Variants in CLPB observed in about 807,000 individuals in gnomAD.
CLPB encodes ClpB family mitochondrial disaggregase.
CLPB carries 40 observed loss-of-function variants against 78.4 expected under a neutral mutation model. That is an observed-to-expected ratio of 0.51 (90% confidence interval 0.40 to 0.66). CLPB has a LOEUF of 0.66. Ranked by LOEUF, CLPB falls within the 30% of genes least tolerant of loss-of-function variation. CLPB has a pLI of 0.00. For synonymous variants in CLPB, 333 were observed against 348.0 expected (o/e 0.96, Z 0.48); for missense variants, 780 against 886.9 (o/e 0.88, Z 1.53).
chr11:72,327,478 T>C (rs570232076), intron 6 of CLPB, among the ~76,000 whole-genome samples: 122 of 152,356 alleles, frequency 8.0e-4, no homozygotes, highest in African/African-American at 2.9e-3. Flanking sequence ...ACATTAGCCC[T>C]GTAATAATGT....
chr11:72,429,752 A>G (rs904483016), intron 2 of CLPB, among the ~76,000 whole-genome samples: 3 of 152,236 alleles, frequency 2.0e-5, no homozygotes, highest in Admixed American at 2.0e-4. Flanking sequence ...TTGCCAAATA[A>G]TAAGCCTCAA....
chr11:72,410,134 G>A (rs1234832739), intron 2 of CLPB, among the ~76,000 whole-genome samples: 1 of 152,198 alleles, frequency 6.6e-6, no homozygotes, highest in Non-Finnish European at 1.5e-5. Flanking sequence ...GGAGGCTGAA[G>A]CAGGAGAATC....
At chr11:72,379,906 G>A (rs908323666) in intron 4 of CLPB, among the ~76,000 whole-genome samples, 4 of 152,160 alleles carry the variant, frequency 2.6e-5, no homozygotes, top group Non-Finnish European at 4.4e-5. Context: ...AACAGGAGAC[G>A]AACAAATCCA....
chr11:72,285,697 A>C lies in CLPB; in HGVS notation c.*7670T>G, dbSNP rs1231368591. 6.6e-6 allele frequency: 1 copy of C among 152,186 alleles called. No homozygotes were observed. The highest frequency in any genetic ancestry group is 2.4e-5 in the African/African-American group (1 of 41,430). The allele number at this position is 152,186 out of a possible 1,614,324, so 9.4% of individuals were successfully genotyped here. ...ATTAATATGGTTCAAAGCTTACTAA[A>C]AAGTATTTAAAATAACATAGCAGTG... On this transcript the variant is annotated 3_prime_UTR_variant, in exon 16 of 16. Coordinates refer to ENST00000538039, the MANE Select transcript of CLPB (RefSeq NM_001258392.3).
At chr11:72,297,039 G>A (rs1018740573) in intron 11 of CLPB, among the ~76,000 whole-genome samples, 3 of 152,258 alleles carry the variant, frequency 2.0e-5, no homozygotes, top group South Asian at 2.1e-4. Context: ...TCTTTCCTTC[G>A]ACAGAATTTT....
intron 4 of CLPB, among the ~76,000 whole-genome samples, chr11:72,375,808 T>G (rs1416644195): frequency 6.6e-6 from 1 of 152,210 alleles, no homozygotes; most frequent in Non-Finnish European, 1.5e-5. Context: ...CACGCTGAAT[T>G]ATGCATAAAT....
intron 5 of CLPB, among the ~76,000 whole-genome samples, chr11:72,339,802 G>T (rs1013092539): frequency 6.6e-6 from 1 of 152,196 alleles, no homozygotes; most frequent in African/African-American, 2.4e-5. Flanking sequence ...ATGGAAGGCT[G>T]GCTTTAGTTT....
intron 9 of CLPB, among the ~76,000 whole-genome samples, chr11:72,306,880 T>TAA (rs1949754602): frequency 6.6e-6 from 1 of 152,226 alleles, no homozygotes; most frequent in Non-Finnish European, 1.5e-5. Flanking sequence ...CAGCATCTAG[T>TAA]ACAACACCTG....
chr11:72,384,465 T>C (rs536571559), intron 3 of CLPB, among the ~76,000 whole-genome samples: 2 of 152,064 alleles, frequency 1.3e-5, no homozygotes, highest in African/African-American at 2.4e-5. Context: ...GGAATATAAG[T>C]ATACTACTAA....
chr11:72,335,856 T>C (rs554862927), intron 5 of CLPB, among the ~76,000 whole-genome samples: 41 of 152,242 alleles, frequency 2.7e-4, no homozygotes, highest in Non-Finnish European at 2.2e-4. Flanking sequence ...CTGTTCTTTC[T>C]GCCCCAGGAG....
At chr11:72,374,001 T>C (rs995725570) in intron 4 of CLPB, among the ~76,000 whole-genome samples, 4 of 148,388 alleles carry the variant, frequency 2.7e-5, no homozygotes, top group Admixed American at 6.7e-5. Flanking sequence ...CTTGCTCTGA[T>C]AGTGAGCCTA....
At chr11:72,322,291 T>C (rs927547383) in intron 6 of CLPB, among the ~76,000 whole-genome samples, 1 of 152,034 alleles carries the variant, frequency 6.6e-6, no homozygotes, top group African/African-American at 2.4e-5. Context: ...GTAAATCTGA[T>C]CATGTCACTC....
intron 6 of CLPB, among the ~76,000 whole-genome samples, chr11:72,320,570 G>T (rs1318517255): frequency 6.6e-6 from 1 of 152,134 alleles, no homozygotes; most frequent in Non-Finnish European, 1.5e-5. Flanking sequence ...TCAGAAAATG[G>T]ATCAGACTTC....
chr11:72,300,210 T>C (rs1949630139), intron 11 of CLPB, among the ~76,000 whole-genome samples: 1 of 152,200 alleles, frequency 6.6e-6, no homozygotes, highest in Non-Finnish European at 1.5e-5. Context: ...TTTGCTTCAG[T>C]TTCCACATCT....
rs1461178776 is a variant in CLPB, at chr11:72,293,502, G to C, written c.1899C>G (p.Ser633Arg). 1.9e-6 allele frequency: 3 copies of C among 1,614,188 alleles called. No individual in the cohort carries two copies. The highest frequency in any genetic ancestry group is 2.5e-6 in the Non-Finnish European group (3 of 1,180,038). ...CAGCCTGGGGTGAGGGCAGTTCTGGGCTTTTGAGTAGCTGCTTGTCTGAGT... is the reference window on the plus strand; with the variant it reads ...CAGCCTGGGGTGAGGGCAGTTCTGGCCTTTTGAGTAGCTGCTTGTCTGAGT... ...VEDSDKQLLKSPELPSPQAEK... is the reference protein window; with the variant it reads ...VEDSDKQLLKRPELPSPQAEK... Residue 633 changes from serine to arginine, a missense_variant, in exon 16 of 16, where the codon AGC becomes AGG. Physicochemically the swap from Ser to Arg is moderately radical, Grantham distance 110. This residue lies in a region of CLPB where 272 missense variants were observed against 304.0 expected (regional missense o/e 0.89). Transcript: ENST00000538039.
At chr11:72,383,510 G>A (rs1163983725) in intron 3 of CLPB, among the ~76,000 whole-genome samples, 9 of 141,238 alleles carry the variant, frequency 6.4e-5, no homozygotes, top group African/African-American at 1.3e-4. Flanking sequence ...CAGCCTGGGC[G>A]ACAGAGCAAG....
chr11:72,330,036 G>A (rs1375548965), intron 5 of CLPB, among the ~76,000 whole-genome samples: 3 of 152,168 alleles, frequency 2.0e-5, no homozygotes, highest in Admixed American at 6.5e-5. Flanking sequence ...AGTTGAACAT[G>A]CTAAGAAAGT....
intron 2 of CLPB, among the ~76,000 whole-genome samples, chr11:72,406,440 G>A (rs771695323): frequency 1.1e-4 from 16 of 152,164 alleles, no homozygotes; most frequent in Non-Finnish European, 1.9e-4. Flanking sequence ...GTCAGACCCC[G>A]ATTTGAATTC....
chr11:72,330,993 C>T (rs1034188587), intron 5 of CLPB, among the ~76,000 whole-genome samples: 2 of 152,104 alleles, frequency 1.3e-5, no homozygotes, highest in African/African-American at 2.4e-5. Flanking sequence ...TTTCTCAATC[C>T]AGTATGTGAA....
Sources: gnomAD v4.1 joint callset for allele counts (sites outside exome capture counted in the v4.1 genomes callset) on GRCh38, gnomAD v4.1.1 for gene constraint, gnomAD v4.1.1 regional missense constraint, MANE v1.5 for transcripts, NCBI Gene and HGNC (gene_info 2026-07-23, HGNC 2026-07-21) for gene names.